Variants in IL23R observed in about 807,000 individuals in gnomAD.
IL23R encodes interleukin 23 receptor.
A neutral mutation model predicts 56.9 loss-of-function variants in IL23R; 34 were observed. That is an observed-to-expected ratio of 0.60 (90% CI 0.45 to 0.80). IL23R has a LOEUF of 0.80. Ranked by LOEUF, IL23R falls within the 30% of genes least tolerant of loss-of-function variation. The pLI is 0.00. For synonymous variants in IL23R, 230 were observed against 249.2 expected (o/e 0.92, Z 0.73); for missense variants, 635 against 730.0 (o/e 0.87, Z 1.50).
chr1:67,139,375 T>A (rs1646613374), intron 1 of IL23R, among the ~76,000 whole-genome samples: 2 of 152,206 alleles, frequency 1.3e-5, no homozygotes, highest in South Asian at 4.1e-4. Flanking sequence ...AGCAGGTACA[T>A]GAAACGTTCA....
intron 3 of IL23R, among the ~76,000 whole-genome samples, chr1:67,174,696 T>C (rs1167231260): frequency 1.3e-5 from 2 of 152,132 alleles, no homozygotes; most frequent in African/African-American, 4.8e-5. Context: ...TCTTATTCAC[T>C]ATTGAATGAT....
At position 67,169,365 on chromosome 1, in the gene IL23R, G is replaced by T; in HGVS notation, c.94G>T (p.Gly32Cys). Reference sequence around the variant, plus strand: ...AGGAATTACAAATATAAACTGCTCTGGCCACATCTGGGTAGAACCAGCCAC... The same window carrying T: ...AGGAATTACAAATATAAACTGCTCTTGCCACATCTGGGTAGAACCAGCCAC... ...HGGITNINCSGHIWVEPATIF... is the reference protein window; with the variant it reads ...HGGITNINCSCHIWVEPATIF... Residue 32 changes from glycine (G) to cysteine (C), a missense_variant, in exon 3 of 11, where the codon GGC becomes TGC. Gly to Cys is a radical substitution (Grantham distance 159). Coordinates refer to ENST00000347310, the MANE Select transcript of IL23R (RefSeq NM_144701.3). 1 of 1,611,532 alleles carries T rather than the reference G, an allele frequency of 6.2e-7. No individual in the cohort carries two copies. Among genetic ancestry groups the T allele is most frequent in the Non-Finnish European group, 8.5e-7 (1 of 1,178,258 alleles).
Position 67,191,638 on chromosome 1 carries a change from ACTGT to A in IL23R, c.491+8686_491+8689del, listed in dbSNP as rs1385698011. 2.8e-4 allele frequency among the ~76,000 whole-genome samples: 43 copies of A among 152,142 alleles called. 1 individual carries two copies. The highest frequency in any genetic ancestry group is 1.2e-3 in the East Asian group (6 of 5,190). On this transcript the variant is annotated intron_variant, in intron 4 of 10. Transcript: ENST00000347310. ...AAAAAAAATCAAAAGAGTTGTCTGC[ACTGT>A]CTGTCTCTATTTTCTCTCTTCTCTT...
chr1:67,243,629 G>C (rs1652002478), intron 9 of IL23R, among the ~76,000 whole-genome samples: 1 of 152,142 alleles, frequency 6.6e-6, no homozygotes, highest in Non-Finnish European at 1.5e-5. Flanking sequence ...TCCCTGCAAA[G>C]GACATGAACT....
At chr1:67,155,339 C>G (rs1047222716) in intron 1 of IL23R, among the ~76,000 whole-genome samples, 4 of 152,116 alleles carry the variant, frequency 2.6e-5, no homozygotes, top group Admixed American at 1.3e-4. Context: ...GTTGGCCTGT[C>G]TTGCTAGGTT....
upstream of IL23R, among the ~76,000 whole-genome samples, chr1:67,165,912 A>G (rs1646869146): frequency 6.6e-6 from 1 of 152,234 alleles, no homozygotes; most frequent in East Asian, 1.9e-4. Context: ...ACCATAGTTA[A>G]CAATACTGAA....
At chr1:67,227,954 CTT>C (rs113091850) in intron 7 of IL23R, among the ~76,000 whole-genome samples, 30,454 of 58,476 alleles carry the variant, frequency 0.52, 9,272 homozygotes, top group Admixed American at 0.62. Context: ...TTCTTTCTTT[CTT>C]TCTTTCTTTC....
At chr1:67,216,004 A>T (rs757975366) in intron 6 of IL23R, among the ~76,000 whole-genome samples, 9 of 152,278 alleles carry the variant, frequency 5.9e-5, no homozygotes, top group Non-Finnish European at 1.0e-4. Context: ...ACCTGTATGT[A>T]GGCTAGAAAC....
chr1:67,201,500 A>C (rs1186207686), intron 5 of IL23R, among the ~76,000 whole-genome samples: 1 of 151,818 alleles, frequency 6.6e-6, no homozygotes, highest in African/African-American at 2.4e-5. Context: ...TAGAGTGAAT[A>C]AGATAGACAA....
At chr1:67,247,306 C>CTT (rs754056239) in intron 9 of IL23R, among the ~76,000 whole-genome samples, 9 of 139,750 alleles carry the variant, frequency 6.4e-5, no homozygotes, top group Non-Finnish European at 6.3e-5. Flanking sequence ...AGCCCATTTA[C>CTT]TTTTTTTTTT....
At chr1:67,219,868 C>T in intron 7 of IL23R, 138 bp downstream of exon 7, 1 of 787,582 alleles carries the variant, frequency 1.3e-6, no homozygotes, top group Non-Finnish European at 2.2e-6. Context: ...GAGTTTGAGA[C>T]TGGCCTGGGC....
chr1:67,206,809 C>T (rs1649097727), intron 5 of IL23R, 101 bp from the exon 6 acceptor site: 9 of 1,219,472 alleles, frequency 7.4e-6, no homozygotes, highest in Middle Eastern at 2.8e-4. Flanking sequence ...TTTTTTTTTA[C>T]TTTGAGCTTT....
intron 9 of IL23R, among the ~76,000 whole-genome samples, chr1:67,251,887 T>G (rs1327120293): frequency 2.6e-5 from 4 of 152,182 alleles, no homozygotes; most frequent in African/African-American, 9.7e-5. Flanking sequence ...TCAACTTAAT[T>G]TTTAGAGCTA....
Position 67,187,022 on chromosome 1 carries a change from A to G in IL23R, c.491+4063A>G, listed in dbSNP as rs1002568523. ...TGGTTGTTTCCACTTTTCAGCTATT[A>G]TGAATTATTCTTCTATTAATATTTG... On this transcript the variant is annotated intron_variant, in intron 4 of 10. Transcript: ENST00000347310. Among the ~76,000 whole-genome samples the G allele has an allele frequency of 3.9e-5, 6 of 152,186 alleles. No individual in the cohort carries two copies. The East Asian group carries it at 1.2e-3, about 29-fold the overall frequency.
upstream of IL23R, among the ~76,000 whole-genome samples, chr1:67,164,489 CG>C (rs1200870317): frequency 6.6e-6 from 1 of 151,980 alleles, no homozygotes; most frequent in African/African-American, 2.4e-5. Flanking sequence ...AAAAAATTAC[CG>C]GGGCATGGTG....
At chr1:67,258,025 C>T (rs1157259624) in intron 10 of IL23R, among the ~76,000 whole-genome samples, 1 of 151,990 alleles carries the variant, frequency 6.6e-6, no homozygotes, top group African/African-American at 2.4e-5. Context: ...TTGTCACACA[C>T]TCATTCTCGG....
chr1:67,181,796 T>C (rs1172486990), intron 3 of IL23R, among the ~76,000 whole-genome samples: 8 of 152,214 alleles, frequency 5.3e-5, no homozygotes, highest in Non-Finnish European at 1.5e-5. Flanking sequence ...GATGGTGATG[T>C]ACAGATGGGG....
intron 1 of IL23R, among the ~76,000 whole-genome samples, chr1:67,158,750 T>G (rs1646791787): frequency 6.6e-6 from 1 of 152,006 alleles, no homozygotes; most frequent in Non-Finnish European, 1.5e-5. Flanking sequence ...ATTGATAAGG[T>G]TTGGATTTGT....
chr1:67,220,098 G>A (rs1011125512), intron 7 of IL23R, among the ~76,000 whole-genome samples: 2 of 152,156 alleles, frequency 1.3e-5, no homozygotes, highest in African/African-American at 2.4e-5. Flanking sequence ...GCCAGGTGCA[G>A]TGGCTTATGT....
Sources: gnomAD v4.1 joint callset for allele counts (sites outside exome capture counted in the v4.1 genomes callset) on GRCh38, gnomAD v4.1.1 for gene constraint, MANE v1.5 for transcripts, NCBI Gene and HGNC (gene_info 2026-07-23, HGNC 2026-07-21) for gene names.